Variants in NMNAT2 observed in about 807,000 individuals in gnomAD.
NMNAT2 encodes the protein nicotinamide/nicotinic acid mononucleotide adenylyltransferase 2.
In NMNAT2, 11 loss-of-function variants were observed where a neutral mutation model predicts 41.6. The observed-to-expected ratio is 0.26, with a 90% CI of 0.17 to 0.44. The LOEUF is 0.44. Among genes scored for constraint, NMNAT2 ranks in the 20% least tolerant of loss-of-function variants. The probability of loss-of-function intolerance (pLI) is 1.00; values close to 1 mark genes in which losing one functional copy is unlikely to be tolerated. For missense variants in NMNAT2, 288 were observed against 407.7 expected (o/e 0.71, Z 2.53); for synonymous variants, 148 against 151.2 (o/e 0.98, Z 0.16).
rs992537299 is a variant in NMNAT2 at position 183,290,220 on chromosome 1, A to G, written c.243-14T>C. The G allele has an allele frequency of 6.4e-7, 1 of 1,560,220 alleles. No homozygotes were observed. Among genetic ancestry groups the G allele is most frequent in the Non-Finnish European group, 8.7e-7 (1 of 1,149,012 alleles). ...CAAGGGTCCACCCTAACATCATCGG[A>G]AAGAAGTTTCCCTTGGTTTCTGTTC... On this transcript the variant is annotated splice_polypyrimidine_tract_variant and intron_variant, in intron 3 of 10. Transcript: ENST00000287713.
At position 183,383,564 on chromosome 1, in the gene NMNAT2, C is replaced by T. The variant is rs191406319; in HGVS notation, c.85+34619G>A. 3.0e-3 allele frequency among the ~76,000 whole-genome samples: 450 copies of T among 152,274 alleles called. 2 individuals carry two copies. Among genetic ancestry groups the T allele is most frequent in the African/African-American group, 0.01 (430 of 41,542 alleles). ...TAACCTCTTTGCTTATGCCTATCAC[C>T]ATACGCTGTTAGATGCAGCCAGGCT... On this transcript the variant is annotated intron_variant, in intron 1 of 10. Transcript: ENST00000287713.
At chr1:183,349,002 G>A (rs1442310861) in intron 1 of NMNAT2, among the ~76,000 whole-genome samples, 1 of 152,172 alleles carries the variant, frequency 6.6e-6, no homozygotes. Flanking sequence ...GGTGCACCAG[G>A]TTGACCCAGG....
chr1:183,352,396 C>G (rs1470748005), intron 1 of NMNAT2, among the ~76,000 whole-genome samples: 1 of 151,810 alleles, frequency 6.6e-6, no homozygotes, highest in Admixed American at 6.6e-5. Flanking sequence ...AAACCCATCT[C>G]TACTAAAAAT....
intron 1 of NMNAT2, among the ~76,000 whole-genome samples, chr1:183,345,354 G>GA (rs1282829039): frequency 6.6e-6 from 1 of 151,998 alleles, no homozygotes; most frequent in Non-Finnish European, 1.5e-5. Flanking sequence ...CCAAAAAAAG[G>GA]AAACTTAATC....
chr1:183,325,682 T>C (rs1662448471), intron 1 of NMNAT2, among the ~76,000 whole-genome samples: 7 of 152,254 alleles, frequency 4.6e-5, no homozygotes, highest in Admixed American at 4.6e-4. Flanking sequence ...CTGTTTTTCC[T>C]GTTTTGTTTC....
At chr1:183,257,382 A>G (rs1436086565) in intron 10 of NMNAT2, among the ~76,000 whole-genome samples, 1 of 152,140 alleles carries the variant, frequency 6.6e-6, no homozygotes, top group Non-Finnish European at 1.5e-5. Flanking sequence ...CGGAGGTTGC[A>G]GTGAGCCAAG....
intron 1 of NMNAT2, among the ~76,000 whole-genome samples, chr1:183,340,907 T>A (rs948276352): frequency 2.0e-5 from 3 of 152,192 alleles, no homozygotes; most frequent in Non-Finnish European, 4.4e-5. Flanking sequence ...ATTAGACTAA[T>A]ATGCTTTACA....
intron 1 of NMNAT2, among the ~76,000 whole-genome samples, chr1:183,407,549 G>C (rs1415079706): frequency 1.3e-5 from 2 of 151,944 alleles, no homozygotes; most frequent in African/African-American, 4.8e-5. Context: ...GTATCTTCAT[G>C]TTCCTAGAAC....
chr1:183,328,166 T>A (rs1398408537), intron 1 of NMNAT2, among the ~76,000 whole-genome samples: 1 of 152,054 alleles, frequency 6.6e-6, no homozygotes, highest in East Asian at 1.9e-4. Context: ...CACACTGAGT[T>A]GGCAGGTCCC....
chr1:183,320,338 C>T (rs956334490), intron 1 of NMNAT2, among the ~76,000 whole-genome samples: 1 of 152,188 alleles, frequency 6.6e-6, no homozygotes, highest in African/African-American at 2.4e-5. Context: ...CACGGTGGCT[C>T]ACGCCTGTAA....
chr1:183,352,205 C>T lies in NMNAT2; in HGVS notation c.86-58412G>A, dbSNP rs202104775. Reference sequence around the variant, plus strand: ...TCGTTCACCTCCCTGTGCTCTGAAGCGCTGATCACTAAGCAAGCTTCTGAT... The same window carrying T: ...TCGTTCACCTCCCTGTGCTCTGAAGTGCTGATCACTAAGCAAGCTTCTGAT... On this transcript the variant is annotated intron_variant, in intron 1 of 10. Transcript: ENST00000287713. Among the ~76,000 whole-genome samples the T allele has an allele frequency of 3.9e-5, 6 of 152,114 alleles. No individual in the cohort carries two copies. In the East Asian group the frequency reaches 7.7e-4, roughly 20 times the overall value.
At chr1:183,386,324 G>A (rs755747211) in intron 1 of NMNAT2, among the ~76,000 whole-genome samples, 1 of 152,092 alleles carries the variant, frequency 6.6e-6, no homozygotes, top group Non-Finnish European at 1.5e-5. Context: ...GAAAGACAGA[G>A]TTATCTCATG....
At chr1:183,351,814 T>C (rs976026478) in intron 1 of NMNAT2, among the ~76,000 whole-genome samples, 10 of 152,148 alleles carry the variant, frequency 6.6e-5, no homozygotes, top group African/African-American at 2.4e-4. Context: ...TATAAGAATA[T>C]AGAAACCAGG....
intron 8 of NMNAT2, among the ~76,000 whole-genome samples, chr1:183,274,472 C>T (rs550227468): frequency 3.5e-4 from 53 of 151,802 alleles, no homozygotes; most frequent in South Asian, 1.7e-3. Context: ...CCACCATGCC[C>T]GGCTAATTTT....
intron 3 of NMNAT2, among the ~76,000 whole-genome samples, chr1:183,292,117 A>AT (rs950761737): frequency 1.5e-4 from 23 of 152,358 alleles, no homozygotes; most frequent in Non-Finnish European, 2.8e-4. Flanking sequence ...GCATGCCATT[A>AT]TTTTTTTAAA....
At chr1:183,407,976 C>T (rs991264215) in intron 1 of NMNAT2, among the ~76,000 whole-genome samples, 3 of 152,210 alleles carry the variant, frequency 2.0e-5, no homozygotes, top group African/African-American at 7.2e-5. Context: ...AAATCATCCC[C>T]ACCATGAACA....
In NMNAT2 at chr1:183,250,255, G is replaced by C. The variant is rs1238866380; in HGVS notation, c.*2386C>G. ...AATAGCATCATCCTGAGCACTCTGT[G>C]GGTCTTCCTTCACCTTCCACAAAGC... is the stretch of plus-strand genomic sequence containing the variant. On this transcript the variant is annotated 3_prime_UTR_variant, in exon 11 of 11. Coordinates refer to ENST00000287713, the MANE Select transcript of NMNAT2 (RefSeq NM_015039.4). 2 of 152,192 alleles carry C rather than the reference G, an allele frequency of 1.3e-5. No homozygotes were observed. The highest frequency in any genetic ancestry group is 1.3e-4 in the Admixed American group (2 of 15,264). The allele number at this position is 152,192 out of a possible 1,614,324, so 9.4% of individuals were successfully genotyped here. A position where few individuals can be genotyped will look rare whatever the true frequency, so the allele number is the denominator to read the frequency against.
chr1:183,395,996 T>G (rs2101923902), intron 1 of NMNAT2, among the ~76,000 whole-genome samples: 1 of 152,340 alleles, frequency 6.6e-6, no homozygotes, highest in South Asian at 2.1e-4. Flanking sequence ...CCCTTCCTTT[T>G]GCTCCTCTCA....
intron 1 of NMNAT2, among the ~76,000 whole-genome samples, chr1:183,412,589 A>C (rs543524700): frequency 3.3e-5 from 5 of 152,368 alleles, no homozygotes; most frequent in Admixed American, 3.3e-4. Flanking sequence ...CAGAGAGACC[A>C]GTTAAGAAGC....
Sources: allele counts gnomAD v4.1 joint callset (sites outside exome capture counted in the v4.1 genomes callset), GRCh38; gene constraint gnomAD v4.1.1; transcripts MANE v1.5; gene names NCBI Gene and HGNC (gene_info 2026-07-23, HGNC 2026-07-21).